HPD: variants seen among roughly 807,000 people sequenced by gnomAD.
HPD encodes the protein 4-hydroxyphenylpyruvate dioxygenase, also known as 4-hydroxyphenylpyruvic acid oxidase.
In HPD, 35 loss-of-function variants were observed where a neutral mutation model predicts 56.9. That is an observed-to-expected ratio of 0.62 (90% CI 0.47 to 0.82). The LOEUF is 0.82. HPD is among the 40% of genes least tolerant of loss of function. HPD has a pLI of 0.00. For missense variants in HPD, 442 were observed against 506.8 expected, an observed-to-expected ratio of 0.87 and a Z score of 1.23; for synonymous variants, 186 against 200.2, an observed-to-expected ratio of 0.93 and a Z score of 0.60.
rs183239573 is a variant in HPD at position 121,840,521 on chromosome 12, A to G, written c.955-473T>C. 5.3e-5 allele frequency among the ~76,000 whole-genome samples: 8 copies of G among 152,066 alleles called. No individual in the cohort carries two copies. In the East Asian group the frequency reaches 9.8e-4, roughly 19 times the overall value. On this transcript the variant is annotated intron_variant, in intron 12 of 13. Coordinates refer to ENST00000289004, the MANE Select transcript of HPD (RefSeq NM_002150.3). ...CACGATATTGGTCAGGCTGGTCTCG[A>G]ACTCCTGACCTCAGGTGATCCACCC...
At chr12:121,862,228 G>A (rs1878193601), upstream of HPD, among the ~76,000 whole-genome samples, 1 of 152,060 alleles carries the variant, frequency 6.6e-6, no homozygotes, top group Non-Finnish European at 1.5e-5. Flanking sequence ...GTCACTTACA[G>A]ATGTCCATGA....
upstream of HPD, among the ~76,000 whole-genome samples, chr12:121,860,153 A>T (rs1366511471): frequency 1.3e-5 from 2 of 152,078 alleles, no homozygotes; most frequent in African/African-American, 4.8e-5. Context: ...GTGAGACTCC[A>T]TCTCAAATAA....
intron 11 of HPD, among the ~76,000 whole-genome samples, chr12:121,845,206 C>A (rs891981985): frequency 3.3e-5 from 5 of 149,712 alleles, no homozygotes; most frequent in Non-Finnish European, 7.4e-5. Flanking sequence ...CTCAACCTCC[C>A]CAGGCTCAGC....
At chr12:121,886,852 T>C in the HPD span, among the ~76,000 whole-genome samples, 1 of 152,184 alleles carries the variant, frequency 6.6e-6, no homozygotes, top group Non-Finnish European at 1.5e-5. Flanking sequence ...GTAAGGATCA[T>C]GTATTGCATT....
At chr12:121,887,261 A>G in the HPD span, among the ~76,000 whole-genome samples, 1 of 149,106 alleles carries the variant, frequency 6.7e-6, no homozygotes, top group Non-Finnish European at 1.5e-5. Flanking sequence ...TATGTTGCCC[A>G]GGCTAGTCTC....
the HPD span, among the ~76,000 whole-genome samples, chr12:121,869,701 T>C: frequency 6.6e-6 from 1 of 151,656 alleles, no homozygotes; most frequent in African/African-American, 2.4e-5. Context: ...ATTTTTGTGT[T>C]TTTAGTAGAG....
chr12:121,872,079 A>AG, the HPD span, among the ~76,000 whole-genome samples: 3 of 147,706 alleles, frequency 2.0e-5, no homozygotes, highest in African/African-American at 7.4e-5. Flanking sequence ...AAAAATACAA[A>AG]AAAAAAAAAA....
chr12:121,864,073 CAAAAAAAAAA>C (rs748278452), upstream of HPD, among the ~76,000 whole-genome samples: 1 of 71,346 alleles, frequency 1.4e-5, no homozygotes, highest in Admixed American at 1.9e-4. Context: ...ACTAAAAATA[CAAAAAAAAAA>C]AAAAAAAAAA....
At chr12:121,875,167 G>A in the HPD span, among the ~76,000 whole-genome samples, 60 of 152,314 alleles carry the variant, frequency 3.9e-4, 1 homozygote, top group South Asian at 9.9e-3. Context: ...TGAAACTACT[G>A]TAGCCTGCAA....
chr12:121,884,728 C>T, the HPD span, among the ~76,000 whole-genome samples: 11 of 151,956 alleles, frequency 7.2e-5, no homozygotes, highest in African/African-American at 2.7e-4. Flanking sequence ...GTTTTAAACT[C>T]ACAGAAAAGT....
At chr12:121,881,673 A>T in the HPD span, among the ~76,000 whole-genome samples, 9 of 151,130 alleles carry the variant, frequency 6.0e-5, no homozygotes, top group Non-Finnish European at 1.2e-4. Context: ...TTTGAGATGG[A>T]GTCTTGCTCT....
At chr12:121,873,463 A>G in the HPD span, among the ~76,000 whole-genome samples, 1,411 of 152,352 alleles carry the variant, frequency 9.3e-3, 17 homozygotes, top group South Asian at 0.05. Flanking sequence ...AGTCTCCACC[A>G]CTGAGTTCTC....
intron 9 of HPD, among the ~76,000 whole-genome samples, chr12:121,847,577 G>T (rs924771860): frequency 3.3e-5 from 5 of 151,888 alleles, no homozygotes; most frequent in Non-Finnish European, 1.5e-5. Flanking sequence ...CGCTCTTTTC[G>T]CCCAGGCTGG....
chr12:121,855,710 C>T (rs11043215), intron 6 of HPD, among the ~76,000 whole-genome samples: 6 of 150,972 alleles, frequency 4.0e-5, no homozygotes, highest in African/African-American at 1.5e-4. Context: ...GAGCAAGACT[C>T]TGACACACAC....
rs36023382 is a variant in HPD, at chr12:121,839,985, C to T, written c.1018G>A (p.Val340Met). 3 of 1,613,780 alleles carry T rather than the reference C, an allele frequency of 1.9e-6. No individual in the cohort carries two copies. The East Asian group carries it at 6.7e-5, about 36-fold the overall frequency. Residue 340 changes from valine to methionine, a missense_variant, in exon 13 of 14, where the codon GTG (valine) becomes ATG (methionine). By Grantham distance (21) the Val-to-Met change is conservative. Coordinates refer to ENST00000289004, the MANE Select transcript of HPD (RefSeq NM_002150.3). ...AGGAAGAGCGTGGGCCGGTCCTGCA[C>T]CGGTTTGGTGAAGATCTGCAGGAGG... ...GYLLQIFTKP[V>M]QDRPTLFLEV...
the HPD span, among the ~76,000 whole-genome samples, chr12:121,888,187 G>A: frequency 1.3e-5 from 2 of 152,098 alleles, no homozygotes; most frequent in African/African-American, 4.8e-5. Flanking sequence ...GCCTTAACAG[G>A]AACATCCAGC....
chr12:121,875,798 C>T, the HPD span, among the ~76,000 whole-genome samples: 97 of 152,190 alleles, frequency 6.4e-4, no homozygotes, highest in African/African-American at 1.9e-3. Flanking sequence ...ACATACCAAA[C>T]GGATACAAAC....
At chr12:121,845,685 C>T (rs1877561588) in intron 11 of HPD, among the ~76,000 whole-genome samples, 1 of 152,014 alleles carries the variant, frequency 6.6e-6, no homozygotes. Flanking sequence ...GTCCTCCTGC[C>T]TCGGCCTCCC....
At chr12:121,843,140 T>C (rs1191111904) in intron 12 of HPD, among the ~76,000 whole-genome samples, 11 of 152,198 alleles carry the variant, frequency 7.2e-5, no homozygotes, top group African/African-American at 2.4e-4. Flanking sequence ...ATGTGACATA[T>C]GTCAATAACA....
Sources: allele counts gnomAD v4.1 joint callset (sites outside exome capture counted in the v4.1 genomes callset), GRCh38; gene constraint gnomAD v4.1.1; transcripts MANE v1.5; gene names NCBI Gene and HGNC (gene_info 2026-07-23, HGNC 2026-07-21).